Variants in GRIP2 observed in about 807,000 individuals in gnomAD.
GRIP2 encodes the protein glutamate receptor interacting protein 2, also known as glutamate receptor-interacting protein 2.
A neutral mutation model predicts 108.3 loss-of-function variants in GRIP2; 58 were observed. That is an observed-to-expected ratio of 0.54 (90% CI 0.43 to 0.67). GRIP2 has a LOEUF of 0.67. GRIP2 is among the 30% of genes least tolerant of loss of function. The probability of loss-of-function intolerance (pLI) is 0.00; values close to 1 mark genes in which losing one functional copy is unlikely to be tolerated. For synonymous variants in GRIP2, 586 were observed against 598.2 expected (o/e 0.98, Z 0.30); for missense variants, 1,278 against 1,430.6 (o/e 0.89, Z 1.72).
At chr3:14,517,975 A>G in intron 9 of GRIP2, 78 bp from the exon 10 acceptor site, 2 of 1,437,062 alleles carry the variant, frequency 1.4e-6, no homozygotes, top group Non-Finnish European at 9.2e-7. Flanking sequence ...GAAAGCAAGA[A>G]CCAGAAGATC....
At position 14,493,744 on chromosome 3, in the gene GRIP2, A is replaced by G; in HGVS notation, c.3053T>C (p.Ile1018Thr). Residue 1018 changes from isoleucine to threonine, a missense_variant, in exon 24 of 24, where the codon ATC (isoleucine) becomes ACC (threonine). By Grantham distance (89) the Ile-to-Thr change is moderately conservative (BLOSUM62 -1). Transcript: ENST00000621039. ...LAEAGDVLEL[I>T]ISRKPHTAHS... ...TGCCGTGTGCGGCTTGCGGCTGATG[A>G]TCAGCTCCAAGACATCACCCGCCTC... 1.2e-6 allele frequency: 2 copies of G among 1,610,820 alleles called. No homozygotes were observed. Among genetic ancestry groups the G allele is most frequent in the Non-Finnish European group, 1.7e-6 (2 of 1,179,046 alleles).
At chr3:14,561,059 G>C (rs1199056894), upstream of GRIP2, among the ~76,000 whole-genome samples, 1 of 152,232 alleles carries the variant, frequency 6.6e-6, no homozygotes, top group African/African-American at 2.4e-5. Flanking sequence ...AGACAGCAGA[G>C]GGAGGCTTGG....
At chr3:14,519,932 C>T (rs1694357165) in intron 9 of GRIP2, among the ~76,000 whole-genome samples, 178 bp downstream of exon 9, 1 of 152,226 alleles carries the variant, frequency 6.6e-6, no homozygotes, top group Admixed American at 6.5e-5. Context: ...TGTTTCTCTG[C>T]CCCACCTTCC....
the GRIP2 span, among the ~76,000 whole-genome samples, chr3:14,565,050 TGGGTCTCTGTGCCAGG>T: frequency 4.6e-5 from 7 of 152,332 alleles, no homozygotes; most frequent in Non-Finnish European, 8.8e-5. Flanking sequence ...CCAGTGACCC[TGGGTCTCTGTGCCAGG>T]GGGTCTGCCC....
At chr3:14,574,562 T>A in the GRIP2 span, 1 of 737,334 alleles carries the variant, frequency 1.4e-6, no homozygotes, top group Non-Finnish European at 2.5e-6. Flanking sequence ...CTGCCTCTGA[T>A]GGGGACTCAA....
At chr3:14,556,120 G>A (rs375343550), upstream of GRIP2, 6 of 396,868 alleles carry the variant, frequency 1.5e-5, no homozygotes, top group Admixed American at 8.8e-5. Flanking sequence ...AATCCTCCCC[G>A]GAGCCAGCGG....
chr3:14,531,292 A>G (rs1203350053), intron 1 of GRIP2, among the ~76,000 whole-genome samples: 1 of 152,168 alleles, frequency 6.6e-6, no homozygotes, highest in Non-Finnish European at 1.5e-5. Flanking sequence ...TACACAGACC[A>G]TCCTTATCTC....
In GRIP2 at chr3:14,511,581, C is replaced by A; in HGVS notation, c.1721-102G>T. 1 of 1,099,344 alleles carries A rather than the reference C, an allele frequency of 9.1e-7. No homozygotes were observed. The highest frequency in any genetic ancestry group is 1.4e-5 in the South Asian group (1 of 73,572). The allele number at this position is 1,099,344 out of a possible 1,614,324, so 68.1% of individuals were successfully genotyped here. On this transcript the variant is annotated intron_variant, in intron 14 of 23. Coordinates refer to ENST00000621039, the MANE Select transcript of GRIP2 (RefSeq NM_001080423.4). This position sits in a 1 kb window ranked among gnomAD's most constrained non-coding sequence, Gnocchi z 4.1. ...TGTGGACTCGGAGCCACTGGTCCTA[C>A]TCACATCCTGGTCCCACTGCTTCCT...
At chr3:14,549,421 T>C (rs969964528) in intron 1 of GRIP2, among the ~76,000 whole-genome samples, 3 of 152,184 alleles carry the variant, frequency 2.0e-5, no homozygotes, top group Non-Finnish European at 4.4e-5. Context: ...CTCTGAGCCC[T>C]GGCAGGAGAG....
chr3:14,525,804 C>A, intron 2 of GRIP2, 47 bp downstream of exon 2: 1 of 1,534,260 alleles, frequency 6.5e-7, no homozygotes, highest in Non-Finnish European at 8.8e-7. Flanking sequence ...CTAGGGCTCT[C>A]TGTGCCTCCA....
rs531796782 is a variant in GRIP2 at position 14,511,880 on chromosome 3, T to G, written c.1721-401A>C. Among the ~76,000 whole-genome samples the G allele has an allele frequency of 2.6e-5, 4 of 152,288 alleles. No individual in the cohort carries two copies. Among genetic ancestry groups the G allele is most frequent in the Admixed American group, 6.5e-5 (1 of 15,302 alleles). On this transcript the variant is annotated intron_variant, in intron 14 of 23. Coordinates refer to ENST00000621039, the MANE Select transcript of GRIP2 (RefSeq NM_001080423.4). This position sits in a 1 kb window ranked among gnomAD's most constrained non-coding sequence, Gnocchi z 4.1. ...CAGGGCCAGCACCCAGGCTCTATTG[T>G]GTGCTTGGGGGTGGGAGACACAGAA...
chr3:14,540,426 GCACCGAGTC>G, upstream of GRIP2: 1 of 1,597,644 alleles, frequency 6.3e-7, no homozygotes, highest in South Asian at 1.1e-5. The surrounding 1 kb of genome is among the most constrained non-coding windows in gnomAD (Gnocchi z 4.1). Context: ...CACTGGCTGG[GCACCGAGTC>G]CACCCACTGC....
chr3:14,525,552 C>T lies in GRIP2; in HGVS notation c.142G>A (p.Val48Met), dbSNP rs1436334325. 1 of 1,613,864 alleles carries T rather than the reference C, an allele frequency of 6.2e-7. No individual in the cohort carries two copies. Among genetic ancestry groups the T allele is most frequent in the East Asian group, 2.2e-5 (1 of 44,878 alleles). Residue 48 changes from valine to methionine, a missense_variant, in exon 3 of 24, where the codon GTG becomes ATG. Val to Met is a conservative substitution (Grantham distance 21). Transcript: ENST00000621039. ...SIPEEFRGIT[V>M]VELIKKEGST... ...CCTTCTTTCTTGATCAGCTCCACCA[C>T]AGTGATCCCTCGGAACTCCTCTGCC...
chr3:14,601,675 G>A, the GRIP2 span, among the ~76,000 whole-genome samples: 1 of 152,188 alleles, frequency 6.6e-6, no homozygotes, highest in Non-Finnish European at 1.5e-5. Flanking sequence ...GGATCTCAGT[G>A]GGGCCGAGAA....
chr3:14,549,299 C>A (rs1052382472), intron 1 of GRIP2, among the ~76,000 whole-genome samples: 1 of 152,230 alleles, frequency 6.6e-6, no homozygotes, highest in African/African-American at 2.4e-5. Context: ...TGGGAGCTCA[C>A]CACCTCTGAG....
chr3:14,556,522 G>A (rs1377667519), upstream of GRIP2, among the ~76,000 whole-genome samples: 2 of 152,318 alleles, frequency 1.3e-5, no homozygotes, highest in Admixed American at 6.5e-5. Flanking sequence ...TCTGAGACAA[G>A]GACAAGAGTC....
At chr3:14,528,593 T>C (rs954022717) in intron 1 of GRIP2, among the ~76,000 whole-genome samples, 19 of 152,154 alleles carry the variant, frequency 1.2e-4, no homozygotes, top group Non-Finnish European at 2.2e-4. Context: ...CACTGGCTTA[T>C]ACCTGTGACC....
In GRIP2 at chr3:14,496,472, G is replaced by A. The variant is rs770801890; in HGVS notation, c.2768C>T (p.Ala923Val). 16 of 1,612,376 alleles carry A rather than the reference G, an allele frequency of 9.9e-6. No homozygotes were observed. In the South Asian group the frequency reaches 1.5e-4, roughly 16 times the overall value. ...RPWQRGREVRASPAEMEELLL... is the reference protein window; with the variant it reads ...RPWQRGREVRVSPAEMEELLL... ...CAGCTCCTCCATTTCTGCAGGAGAG[G>A]CTCGTACCTCCCGGCCCCTCTGCCA... Residue 923 changes from alanine to valine, a missense_variant, in exon 22 of 24, where the codon GCC (alanine) becomes GTC (valine). Ala to Val is a moderately conservative substitution (Grantham distance 64). Transcript: ENST00000621039.
rs566041807 is a variant in GRIP2, at chr3:14,520,240, G to A, written c.900C>T (p.Ile300=). The A allele has an allele frequency of 3.7e-6, 6 of 1,613,852 alleles. No individual in the cohort carries two copies. The highest frequency in any genetic ancestry group is 5.1e-6 in the Non-Finnish European group (6 of 1,179,876). Residue 300 remains isoleucine, a synonymous_variant, in exon 9 of 24, where the codon ATC becomes ATT. Transcript: ENST00000621039. ...AGCAGTGTTCCATGCTGGTGCCATC[G>A]ATGGACAGGATGTGGTCTCCAGGGT... ...ALHPGDHILS[I]DGTSMEHCSL...
Sources: allele counts gnomAD v4.1 joint callset (sites outside exome capture counted in the v4.1 genomes callset), GRCh38; gene constraint gnomAD v4.1.1; non-coding constraint Gnocchi (gnomAD v3.1); transcripts MANE v1.5; gene names NCBI Gene and HGNC (gene_info 2026-07-23, HGNC 2026-07-21).